The following CDK14 variants were observed in gnomAD, a reference collection of about 807,000 sequenced individuals.
CDK14 encodes the protein cyclin-dependent kinase 14.
Under a neutral mutation model 60.7 loss-of-function variants are expected in CDK14, and 34 were observed. That is an observed-to-expected ratio of 0.56 (90% confidence interval 0.43 to 0.75). CDK14 has a LOEUF of 0.75. CDK14 is among the 30% of genes least tolerant of loss of function. CDK14 has a pLI of 0.00. For missense variants in CDK14, 482 were observed against 564.1 expected, an observed-to-expected ratio of 0.85 and a Z score of 1.47; for synonymous variants, 197 against 203.7, an observed-to-expected ratio of 0.97 and a Z score of 0.28.
intron 14 of CDK14, among the ~76,000 whole-genome samples, chr7:91,144,720 G>T (rs984231049): frequency 2.0e-5 from 3 of 152,136 alleles, no homozygotes; most frequent in African/African-American, 4.8e-5. Flanking sequence ...TTTCTAAAGT[G>T]CCTGGAGCAA....
At chr7:91,170,261 G>A (rs1584159065) in intron 14 of CDK14, among the ~76,000 whole-genome samples, 1 of 152,112 alleles carries the variant, frequency 6.6e-6, no homozygotes, top group Non-Finnish European at 1.5e-5. Context: ...GCTCATTTTA[G>A]CATATTTCTC....
At chr7:90,845,522 G>A (rs1790439702) in intron 5 of CDK14, among the ~76,000 whole-genome samples, 1 of 150,300 alleles carries the variant, frequency 6.7e-6, no homozygotes, top group African/African-American at 2.4e-5. Flanking sequence ...AGATGAAGTG[G>A]TAGTTTAAAA....
At chr7:91,187,577 T>C (rs2115919055) in intron 14 of CDK14, among the ~76,000 whole-genome samples, 1 of 152,296 alleles carries the variant, frequency 6.6e-6, no homozygotes, top group South Asian at 2.1e-4. Flanking sequence ...GTCTGTAGTC[T>C]AGTGCCAAGA....
chr7:91,007,631 G>T (rs1389411595), intron 10 of CDK14, among the ~76,000 whole-genome samples: 1 of 152,122 alleles, frequency 6.6e-6, no homozygotes, highest in Non-Finnish European at 1.5e-5. Context: ...CAAAATAAAT[G>T]TTATTTTTCC....
At chr7:91,022,856 G>A (rs922953842) in intron 10 of CDK14, among the ~76,000 whole-genome samples, 3 of 152,162 alleles carry the variant, frequency 2.0e-5, no homozygotes, top group African/African-American at 7.2e-5. Flanking sequence ...TATGCTGCAT[G>A]TAAGAAGAAT....
chr7:90,788,512 C>CT (rs1166691463), intron 4 of CDK14, among the ~76,000 whole-genome samples: 2 of 152,128 alleles, frequency 1.3e-5, no homozygotes, highest in Non-Finnish European at 2.9e-5. Flanking sequence ...GTCCTGTCTG[C>CT]TAAAGCAGAA....
chr7:90,827,729 AT>A (rs1447347740), intron 5 of CDK14, among the ~76,000 whole-genome samples: 6 of 152,320 alleles, frequency 3.9e-5, no homozygotes, highest in African/African-American at 1.4e-4. Context: ...ATCCATTCCA[AT>A]TTTTGACCTA....
intron 14 of CDK14, among the ~76,000 whole-genome samples, chr7:91,141,150 G>A (rs1330574475): frequency 6.6e-6 from 1 of 152,192 alleles, no homozygotes; most frequent in Non-Finnish European, 1.5e-5. Flanking sequence ...TTCCACTTGA[G>A]TGAAGCAAAG....
At chr7:90,812,229 A>C (rs746651812) in intron 5 of CDK14, among the ~76,000 whole-genome samples, 1 of 152,240 alleles carries the variant, frequency 6.6e-6, no homozygotes, top group Non-Finnish European at 1.5e-5. Flanking sequence ...AATATCCAAC[A>C]ATGATAAACT....
At chr7:90,745,166 A>G (rs574981354) in intron 3 of CDK14, among the ~76,000 whole-genome samples, 4 of 152,282 alleles carry the variant, frequency 2.6e-5, no homozygotes, top group African/African-American at 9.6e-5. Flanking sequence ...AAGAAAGCTC[A>G]GTGTGCTTTT....
At chr7:90,959,261 C>T (rs1241040518) in intron 9 of CDK14, among the ~76,000 whole-genome samples, 1 of 152,162 alleles carries the variant, frequency 6.6e-6, no homozygotes, top group East Asian at 1.9e-4. Flanking sequence ...TGAACAGCTT[C>T]CCATGCTTAC....
intron 10 of CDK14, among the ~76,000 whole-genome samples, chr7:91,004,754 A>G (rs750960651): frequency 1.3e-5 from 2 of 152,180 alleles, no homozygotes; most frequent in Non-Finnish European, 1.5e-5. Context: ...TGAGGTTTAA[A>G]GTTGTTGCAT....
chr7:90,895,920 T>C (rs1028619742), intron 6 of CDK14, among the ~76,000 whole-genome samples: 3 of 151,820 alleles, frequency 2.0e-5, no homozygotes, highest in Non-Finnish European at 4.4e-5. Flanking sequence ...GGCAAACTCC[T>C]CACTTAATAA....
chr7:91,056,205 G>A (rs1797549635), intron 11 of CDK14, among the ~76,000 whole-genome samples: 1 of 152,050 alleles, frequency 6.6e-6, no homozygotes, highest in African/African-American at 2.4e-5. Context: ...GGAAGAAGTG[G>A]GACTTCACTA....
intron 2 of CDK14, among the ~76,000 whole-genome samples, chr7:90,660,540 C>T (rs1218388399): frequency 6.6e-6 from 1 of 152,132 alleles, no homozygotes; most frequent in East Asian, 1.9e-4. Context: ...GTTCCTGGCA[C>T]CCTGCTAAGT....
intron 5 of CDK14, among the ~76,000 whole-genome samples, chr7:90,832,195 G>A (rs1196070794): frequency 2.6e-5 from 4 of 152,042 alleles, no homozygotes; most frequent in South Asian, 2.1e-4. Flanking sequence ...TTATGTATGT[G>A]TATTTGTTTA....
At chr7:90,598,767 G>C (rs938472327) in intron 1 of CDK14, among the ~76,000 whole-genome samples, 1 of 130,740 alleles carries the variant, frequency 7.6e-6, no homozygotes, top group Non-Finnish European at 1.6e-5. Flanking sequence ...TGCAGTGGCG[G>C]GATCTCGGCT....
At chr7:90,969,234 C>G (rs563040600) in intron 9 of CDK14, among the ~76,000 whole-genome samples, 1 of 152,262 alleles carries the variant, frequency 6.6e-6, no homozygotes, top group Non-Finnish European at 1.5e-5. Flanking sequence ...ATCATCCAGT[C>G]ATATATCTTA....
chr7:90,621,613 T>TTTCCTTCCTTCCTTCC (rs3835010), intron 2 of CDK14, among the ~76,000 whole-genome samples: 15 of 128,362 alleles, frequency 1.2e-4, no homozygotes, highest in Non-Finnish European at 2.0e-4. Flanking sequence ...TCAGACTTTT[T>TTTCCTTCCTTCCTTCC]TTCCTTCCTT....
Sources: gnomAD v4.1 joint callset for allele counts (sites outside exome capture counted in the v4.1 genomes callset) on GRCh38, gnomAD v4.1.1 for gene constraint, MANE v1.5 for transcripts, NCBI Gene and HGNC (gene_info 2026-07-23, HGNC 2026-07-21) for gene names.